Variants in ARHGAP28 observed in about 807,000 individuals in gnomAD.
ARHGAP28 encodes the protein rho GTPase-activating protein 28.
ARHGAP28 carries 56 observed loss-of-function variants against 90.7 expected under a neutral mutation model. The observed-to-expected ratio is 0.62, with a 90% CI of 0.50 to 0.77. The LOEUF (loss-of-function observed/expected upper bound fraction) is 0.77, where lower values mean the gene tolerates loss of function less well. ARHGAP28 is among the 30% of genes least tolerant of loss of function. ARHGAP28 has a pLI of 0.00. For synonymous variants in ARHGAP28, 308 were observed against 323.3 expected (o/e 0.95, Z 0.51); for missense variants, 869 against 900.9 (o/e 0.96, Z 0.45).
At chr18:6,895,647 TCTC>T (rs1305230812) in intron 15 of ARHGAP28, among the ~76,000 whole-genome samples, 1 of 152,182 alleles carries the variant, frequency 6.6e-6, no homozygotes, top group Non-Finnish European at 1.5e-5. Context: ...CCATGTCTCT[TCTC>T]CTCTTACAAG....
chr18:6,827,310 C>T (rs1335840519), intron 2 of ARHGAP28, among the ~76,000 whole-genome samples: 27 of 145,844 alleles, frequency 1.9e-4, no homozygotes, highest in Non-Finnish European at 6.2e-5. Flanking sequence ...GCTGGCCGGG[C>T]GGGGGGCTGA....
chr18:6,838,942 G>A (rs557518348), intron 3 of ARHGAP28, among the ~76,000 whole-genome samples: 2 of 152,238 alleles, frequency 1.3e-5, no homozygotes, highest in South Asian at 4.1e-4. Flanking sequence ...TAAATTCTTT[G>A]GGCCTGACAT....
At chr18:6,813,211 T>C (rs1398955489) in intron 1 of ARHGAP28, among the ~76,000 whole-genome samples, 1 of 152,214 alleles carries the variant, frequency 6.6e-6, no homozygotes, top group Non-Finnish European at 1.5e-5. Flanking sequence ...AAGACACGAA[T>C]TATTGATGCC....
intron 15 of ARHGAP28, among the ~76,000 whole-genome samples, 193 bp from the exon 16 acceptor site, chr18:6,896,309 A>G (rs2057304310): frequency 6.6e-6 from 1 of 152,162 alleles, no homozygotes; most frequent in Non-Finnish European, 1.5e-5. Context: ...GAAAGTAAAA[A>G]CCCAGGTTAA....
chr18:6,770,792 G>C (rs1297984324), intron 1 of ARHGAP28, among the ~76,000 whole-genome samples: 1 of 152,094 alleles, frequency 6.6e-6, no homozygotes, highest in Non-Finnish European at 1.5e-5. Context: ...GGAGGTGGGG[G>C]GTGGGGAGCC....
intron 1 of ARHGAP28, among the ~76,000 whole-genome samples, chr18:6,781,682 T>A (rs770296439): frequency 6.6e-6 from 1 of 152,154 alleles, no homozygotes; most frequent in Non-Finnish European, 1.5e-5. Context: ...GGGCCCCAGC[T>A]CCCACCTGAC....
At chr18:6,880,613 C>A (rs536195118) in intron 10 of ARHGAP28, among the ~76,000 whole-genome samples, 1 of 152,218 alleles carries the variant, frequency 6.6e-6, no homozygotes, top group Admixed American at 6.5e-5. Flanking sequence ...GCCCTAGATG[C>A]GCCAGCAAGG....
chr18:6,827,787 C>CG (rs1196317844), intron 2 of ARHGAP28, among the ~76,000 whole-genome samples: 4 of 147,292 alleles, frequency 2.7e-5, no homozygotes, highest in Non-Finnish European at 4.5e-5. Context: ...ACTTCTCAGA[C>CG]GGGGCGGCCG....
intron 1 of ARHGAP28, among the ~76,000 whole-genome samples, chr18:6,735,954 G>T (rs1012209880): frequency 2.6e-5 from 4 of 152,172 alleles, no homozygotes; most frequent in Non-Finnish European, 5.9e-5. Flanking sequence ...ACTAACGTTG[G>T]TGTTAGGTTT....
At chr18:6,849,163 CG>C (rs2056889608) in intron 3 of ARHGAP28, among the ~76,000 whole-genome samples, 1 of 149,526 alleles carries the variant, frequency 6.7e-6, no homozygotes, top group South Asian at 2.1e-4. Context: ...GAGGCTGACA[CG>C]GGAGGATCCC....
chr18:6,802,216 A>T (rs1466106854), intron 1 of ARHGAP28, among the ~76,000 whole-genome samples: 1 of 152,140 alleles, frequency 6.6e-6, no homozygotes, highest in African/African-American at 2.4e-5. Context: ...TACAATAAAC[A>T]TGAAAGTATT....
intron 1 of ARHGAP28, among the ~76,000 whole-genome samples, chr18:6,820,238 C>T (rs1268425053): frequency 6.6e-6 from 1 of 151,926 alleles, no homozygotes; most frequent in Non-Finnish European, 1.5e-5. Context: ...CTAAAAAGAA[C>T]TAATTGGATA....
intron 3 of ARHGAP28, among the ~76,000 whole-genome samples, chr18:6,844,086 G>A (rs770051795): frequency 6.6e-6 from 1 of 152,130 alleles, no homozygotes; most frequent in South Asian, 2.1e-4. Context: ...CAAAATAGTC[G>A]ATTTAATTTA....
At chr18:6,742,732 G>A (rs2055990250) in intron 1 of ARHGAP28, among the ~76,000 whole-genome samples, 2 of 152,172 alleles carry the variant, frequency 1.3e-5, no homozygotes. Flanking sequence ...GGGCTTGGAT[G>A]AGATCTGGCA....
chr18:6,873,492 C>T lies in ARHGAP28; in HGVS notation c.1038C>T (p.Leu346=). Residue 346 remains leucine (L), a synonymous_variant, in exon 8 of 18, where the codon CTC becomes CTT. Coordinates refer to ENST00000383472, the MANE Select transcript of ARHGAP28 (RefSeq NM_001366230.1). The part of the protein sequence containing the change: ...SAEDMKKIRH[L]SLIELTAFFD... ...AAGACATGAAGAAAATCCGCCATCT[C>T]TCTCTGATTGAATTGACTGCCTTTT... 2 of 1,614,166 alleles carry T rather than the reference C, an allele frequency of 1.2e-6. No homozygotes were observed. Among genetic ancestry groups the T allele is most frequent in the Non-Finnish European group, 1.7e-6 (2 of 1,180,020 alleles).
At chr18:6,829,068 G>A (rs371568695) in intron 2 of ARHGAP28, among the ~76,000 whole-genome samples, 7 of 152,124 alleles carry the variant, frequency 4.6e-5, no homozygotes, top group African/African-American at 1.7e-4. Context: ...GAAATAAAAC[G>A]CCCCACCACA....
chr18:6,816,957 G>A (rs1301230336), intron 1 of ARHGAP28, among the ~76,000 whole-genome samples: 2 of 151,964 alleles, frequency 1.3e-5, no homozygotes, highest in African/African-American at 4.8e-5. Context: ...AGGTGTGGTG[G>A]TGCACACCTG....
At chr18:6,881,974 A>G (rs751628953) in intron 10 of ARHGAP28, among the ~76,000 whole-genome samples, 163 bp from the exon 11 acceptor site, 2 of 152,146 alleles carry the variant, frequency 1.3e-5, no homozygotes, top group Non-Finnish European at 2.9e-5. Context: ...TCATCCTCAC[A>G]TAGCTATTTG....
intron 1 of ARHGAP28, among the ~76,000 whole-genome samples, chr18:6,753,367 T>C (rs1350813337): frequency 6.6e-6 from 1 of 152,218 alleles, no homozygotes; most frequent in African/African-American, 2.4e-5. Flanking sequence ...TTTTATCGAA[T>C]GCAAAGTGAC....
Sources: allele counts gnomAD v4.1 joint callset (sites outside exome capture counted in the v4.1 genomes callset), GRCh38; gene constraint gnomAD v4.1.1; transcripts MANE v1.5; gene names NCBI Gene and HGNC (gene_info 2026-07-23, HGNC 2026-07-21).